DIAPH3: variants seen among roughly 807,000 people sequenced by gnomAD.
DIAPH3 encodes the protein protein diaphanous homolog 3.
DIAPH3 carries 117 observed loss-of-function variants against 144.3 expected under a neutral mutation model. That is an observed-to-expected ratio of 0.81 (90% CI 0.70 to 0.95). DIAPH3 has a LOEUF of 0.95. Among genes scored for constraint, DIAPH3 ranks in the 40% least tolerant of loss-of-function variants. The pLI is 0.00. For missense variants in DIAPH3, 1,421 were observed against 1,412.7 expected, an observed-to-expected ratio of 1.01 and a Z score of -0.09; for synonymous variants, 519 against 488.9, an observed-to-expected ratio of 1.06 and a Z score of -0.81.
intron 27 of DIAPH3, among the ~76,000 whole-genome samples, chr13:59,750,812 A>G (rs1471151316): frequency 1.3e-5 from 2 of 152,228 alleles, no homozygotes; most frequent in Non-Finnish European, 2.9e-5. Context: ...CTGGATAAAC[A>G]GTTGCTACGA....
chr13:60,004,293 G>A (rs2052721579), intron 9 of DIAPH3, among the ~76,000 whole-genome samples: 1 of 152,174 alleles, frequency 6.6e-6, no homozygotes, highest in African/African-American at 2.4e-5. Flanking sequence ...TAGGAAAATT[G>A]ATAGCCAGCC....
chr13:60,028,164 C>A (rs2054519278), intron 5 of DIAPH3, among the ~76,000 whole-genome samples: 1 of 152,134 alleles, frequency 6.6e-6, no homozygotes, highest in African/African-American at 2.4e-5. Context: ...AAGTTCCATT[C>A]ACTTGACCTC....
intron 27 of DIAPH3, among the ~76,000 whole-genome samples, chr13:59,687,761 C>T (rs1436820596): frequency 1.3e-5 from 2 of 152,000 alleles, no homozygotes; most frequent in African/African-American, 2.4e-5. Flanking sequence ...GATGATTATT[C>T]GATGAACTGC....
chr13:60,158,074 C>A (rs190436616), intron 1 of DIAPH3, among the ~76,000 whole-genome samples: 1 of 152,182 alleles, frequency 6.6e-6, no homozygotes, highest in African/African-American at 2.4e-5. Context: ...TTAGGGGCTT[C>A]CCTTATGCAA....
At chr13:59,896,050 G>A (rs945521698) in intron 20 of DIAPH3, among the ~76,000 whole-genome samples, 1 of 152,100 alleles carries the variant, frequency 6.6e-6, no homozygotes, top group African/African-American at 2.4e-5. Context: ...CAAGAACTCT[G>A]TGCCTAAAAA....
chr13:60,064,680 CT>C (rs2056890909), intron 4 of DIAPH3, among the ~76,000 whole-genome samples: 1 of 152,152 alleles, frequency 6.6e-6, no homozygotes, highest in South Asian at 2.1e-4. Flanking sequence ...GATTGTTTTG[CT>C]TTCTTATCAT....
intron 3 of DIAPH3, among the ~76,000 whole-genome samples, chr13:60,104,038 A>G (rs1401346738): frequency 5.3e-5 from 8 of 152,206 alleles, no homozygotes; most frequent in Admixed American, 5.2e-4. Flanking sequence ...AGACTAAATG[A>G]ATCTTATCTA....
intron 4 of DIAPH3, among the ~76,000 whole-genome samples, chr13:60,058,294 G>A (rs902984021): frequency 1.3e-5 from 2 of 151,512 alleles, no homozygotes; most frequent in African/African-American, 4.8e-5. Context: ...ATGAAAAATT[G>A]CTCATCACCA....
chr13:59,986,717 T>G (rs1252421850), intron 12 of DIAPH3, among the ~76,000 whole-genome samples: 25 of 146,806 alleles, frequency 1.7e-4, no homozygotes, highest in African/African-American at 6.3e-4. Context: ...AAAAAACACA[T>G]GAAAAAATGC....
chr13:59,671,252 C>G (rs571120904), intron 27 of DIAPH3, among the ~76,000 whole-genome samples: 4 of 152,106 alleles, frequency 2.6e-5, no homozygotes, highest in Non-Finnish European at 4.4e-5. Flanking sequence ...TAATTTGAGG[C>G]AGGTAGGCCA....
intron 12 of DIAPH3, among the ~76,000 whole-genome samples, chr13:59,984,564 T>A (rs971664298): frequency 2.6e-5 from 4 of 151,788 alleles, no homozygotes; most frequent in South Asian, 2.1e-4. Context: ...ACAAAATTGA[T>A]AGATCGCTAG....
intron 27 of DIAPH3, among the ~76,000 whole-genome samples, chr13:59,720,376 T>C (rs2035280822): frequency 1.3e-5 from 2 of 152,146 alleles, no homozygotes; most frequent in African/African-American, 4.8e-5. Context: ...TTCTAAAAAC[T>C]GTAAAAACAC....
chr13:59,725,782 G>C (rs1411216246), intron 27 of DIAPH3, among the ~76,000 whole-genome samples: 2 of 152,212 alleles, frequency 1.3e-5, no homozygotes, highest in Non-Finnish European at 2.9e-5. Context: ...AACTGTCACA[G>C]AAGGGGAGGA....
At position 60,155,676 on chromosome 13, in the gene DIAPH3, A is replaced by T. The variant is rs79805774; in HGVS notation, c.180+7911T>A. On this transcript the variant is annotated intron_variant, in intron 1 of 27. Coordinates refer to ENST00000400324, the MANE Select transcript of DIAPH3 (RefSeq NM_001042517.2). ...TAAAAACAGTATCTCAATTCTTGAC[A>T]GTTTAACCCTAGGACAACTGAGAGC... is the stretch of plus-strand genomic sequence containing the variant. Among the ~76,000 whole-genome samples the T allele has an allele frequency of 2.3e-3, 348 of 152,342 alleles. 1 individual carries two copies. In the East Asian group the frequency reaches 0.025, roughly 11 times the overall value.
At chr13:60,024,361 C>T (rs2054240502) in intron 5 of DIAPH3, among the ~76,000 whole-genome samples, 1 of 152,190 alleles carries the variant, frequency 6.6e-6, no homozygotes, top group Non-Finnish European at 1.5e-5. Flanking sequence ...TCTCTCCTTT[C>T]AGCCTCATGT....
At chr13:59,698,152 G>T (rs1488293671) in intron 27 of DIAPH3, among the ~76,000 whole-genome samples, 1 of 152,156 alleles carries the variant, frequency 6.6e-6, no homozygotes, top group African/African-American at 2.4e-5. Context: ...TCCTTTCAAT[G>T]ATCTGTCTTC....
In DIAPH3 at chr13:59,911,656, C is replaced by T. The variant is rs192141145; in HGVS notation, c.2367+79G>A. 2.5e-4 allele frequency: 264 copies of T among 1,055,816 alleles called. 1 individual carries two copies. The East Asian group carries it at 5.7e-3, about 23-fold the overall frequency. The allele number at this position is 1,055,816 out of a possible 1,614,324, so 65.4% of individuals were successfully genotyped here. ...ATGTGATTACTCACATGCTTTTTTA[C>T]ATTTAGCGATATAAAAACAGTTGAC... On this transcript the variant is annotated intron_variant, in intron 20 of 27. Transcript: ENST00000400324.
chr13:60,163,543 G>A (rs757867461), intron 1 of DIAPH3, 44 bp downstream of exon 1: 2 of 1,568,004 alleles, frequency 1.3e-6, no homozygotes, highest in Non-Finnish European at 1.7e-6. Context: ...TCAGCCCTAC[G>A]GCGGGGCGGG....
intron 17 of DIAPH3, among the ~76,000 whole-genome samples, chr13:59,930,654 C>T (rs1316251019): frequency 6.6e-6 from 1 of 152,066 alleles, no homozygotes; most frequent in African/African-American, 2.4e-5. Context: ...TATTTTAAGC[C>T]AGGCTAAGAC....
Sources: allele counts gnomAD v4.1 joint callset (sites outside exome capture counted in the v4.1 genomes callset), GRCh38; gene constraint gnomAD v4.1.1; transcripts MANE v1.5; gene names NCBI Gene and HGNC (gene_info 2026-07-23, HGNC 2026-07-21).